Variants in ATP8B4 observed in about 807,000 individuals in gnomAD.
The protein encoded by ATP8B4 is probable phospholipid-transporting ATPase IM.
A neutral mutation model predicts 145.6 loss-of-function variants in ATP8B4; 133 were observed. The ratio of observed to expected loss-of-function variants is 0.91; its 90% confidence interval spans 0.79 to 1.05. The LOEUF (loss-of-function observed/expected upper bound fraction) is 1.05, where lower values mean the gene tolerates loss of function less well. Ranked by LOEUF, ATP8B4 falls within the 50% of genes least tolerant of loss-of-function variation. The probability of loss-of-function intolerance (pLI) is 0.00; values close to 1 mark genes in which losing one functional copy is unlikely to be tolerated. For missense variants in ATP8B4, 1,458 were observed against 1,425.2 expected (o/e 1.02, Z -0.37); for synonymous variants, 507 against 492.9 (o/e 1.03, Z -0.38).
At chr15:50,018,395 C>T (rs960553039) in intron 6 of ATP8B4, among the ~76,000 whole-genome samples, 1 of 152,176 alleles carries the variant, frequency 6.6e-6, no homozygotes, top group African/African-American at 2.4e-5. Flanking sequence ...AATCTAGACA[C>T]CATGCTGAGT....
At chr15:50,108,837 C>G (rs993656281) in intron 1 of ATP8B4, among the ~76,000 whole-genome samples, 3 of 152,144 alleles carry the variant, frequency 2.0e-5, no homozygotes, top group Non-Finnish European at 4.4e-5. Context: ...TCCACAAACT[C>G]TTTTAGGACA....
At chr15:49,861,473 TCTACCTACCTACCTAC>T (rs71124313) in intron 27 of ATP8B4, among the ~76,000 whole-genome samples, 1 of 135,594 alleles carries the variant, frequency 7.4e-6, no homozygotes, top group East Asian at 2.1e-4. Context: ...TATCTATCTA[TCTACCTACCTACCTAC>T]CTACCTACCT....
intron 1 of ATP8B4, among the ~76,000 whole-genome samples, chr15:50,176,875 G>C (rs1447156799): frequency 6.6e-6 from 1 of 152,180 alleles, no homozygotes; most frequent in South Asian, 2.1e-4. Context: ...GCTCTGTCAT[G>C]TCTAATATCA....
intron 3 of ATP8B4, among the ~76,000 whole-genome samples, chr15:50,048,591 C>T (rs1181402155): frequency 6.6e-6 from 1 of 151,912 alleles, no homozygotes; most frequent in East Asian, 1.9e-4. Flanking sequence ...GCCTGTAATC[C>T]CAGCTACTGA....
chr15:49,931,187 GT>G lies in ATP8B4; in HGVS notation c.1573del (p.Thr525HisfsTer2). ...GGCAAGTAATTGATAAGTAACTAGT[GT>G]TCCCAATTCTTCTATTGTTATGGTC... ...PETITIEELG[T>X]LVTYQLLAFL... On this transcript the variant is annotated frameshift_variant, in exon 16 of 28. Transcript: ENST00000284509. LOFTEE classifies it high-confidence loss of function. The G allele has an allele frequency of 6.2e-7, 1 of 1,612,446 alleles. No individual in the cohort carries two copies. Among genetic ancestry groups the G allele is most frequent in the Middle Eastern group, 1.7e-4 (1 of 6,044 alleles).
chr15:50,058,043 G>A (rs1281378432), intron 3 of ATP8B4, among the ~76,000 whole-genome samples: 2 of 152,184 alleles, frequency 1.3e-5, no homozygotes, highest in African/African-American at 4.8e-5. Context: ...GCCTTCTCCA[G>A]AGAGATAAGA....
At chr15:49,938,758 CT>C (rs1240811709) in intron 14 of ATP8B4, among the ~76,000 whole-genome samples, 2 of 152,054 alleles carry the variant, frequency 1.3e-5, no homozygotes, top group African/African-American at 4.8e-5. Flanking sequence ...CCAATTGGAC[CT>C]AATAGACATC....
At chr15:49,898,006 C>T (rs1308392404) in intron 22 of ATP8B4, 62 bp downstream of exon 22, 1 of 1,563,084 alleles carries the variant, frequency 6.4e-7, no homozygotes, top group Admixed American at 1.7e-5. Context: ...TATATATTGC[C>T]AAATGCTGAA....
chr15:49,965,671 A>C (rs1304842283), intron 13 of ATP8B4, among the ~76,000 whole-genome samples: 1 of 152,200 alleles, frequency 6.6e-6, no homozygotes, highest in East Asian at 1.9e-4. Context: ...GTAGATTCCC[A>C]AAACCATGTG....
At chr15:50,160,038 T>TTTTTTTTG (rs2044492829) in intron 1 of ATP8B4, among the ~76,000 whole-genome samples, 6 of 143,558 alleles carry the variant, frequency 4.2e-5, no homozygotes, top group Non-Finnish European at 7.6e-5. Context: ...TTTTTTTTTT[T>TTTTTTTTG]GCTGGGAGAC....
chr15:50,044,732 T>C, intron 4 of ATP8B4, 40 bp from the exon 5 acceptor site: 3 of 1,388,320 alleles, frequency 2.2e-6, no homozygotes, highest in Non-Finnish European at 3.1e-6. Flanking sequence ...CTTTTAAAGT[T>C]AGAAAATATA....
intron 1 of ATP8B4, among the ~76,000 whole-genome samples, chr15:50,143,768 C>G (rs574755180): frequency 6.6e-6 from 1 of 152,112 alleles, no homozygotes; most frequent in African/African-American, 2.4e-5. Context: ...GCATTCCTGA[C>G]AGATGGAACA....
At chr15:49,907,520 G>A (rs573134306) in intron 20 of ATP8B4, among the ~76,000 whole-genome samples, 3 of 152,276 alleles carry the variant, frequency 2.0e-5, no homozygotes, top group South Asian at 4.1e-4. Flanking sequence ...GGAAAGATTG[G>A]GATCAGTGGC....
intron 2 of ATP8B4, among the ~76,000 whole-genome samples, chr15:50,105,762 C>T (rs538111084): frequency 1.5e-4 from 23 of 152,212 alleles, no homozygotes; most frequent in African/African-American, 5.3e-4. Flanking sequence ...TTAATATATA[C>T]ATATACATAT....
At chr15:50,163,554 C>T (rs1254852085) in intron 1 of ATP8B4, among the ~76,000 whole-genome samples, 1 of 152,220 alleles carries the variant, frequency 6.6e-6, no homozygotes. Flanking sequence ...GTGGCCACCA[C>T]CACAGAGACT....
chr15:50,018,880 G>T, intron 6 of ATP8B4: 1 of 1,178,942 alleles, frequency 8.5e-7, no homozygotes, highest in South Asian at 1.3e-5. Flanking sequence ...CGACCATTAT[G>T]TCACTTACAT....
chr15:49,924,871 G>A (rs966667912), intron 16 of ATP8B4, among the ~76,000 whole-genome samples: 1 of 152,140 alleles, frequency 6.6e-6, no homozygotes, highest in Admixed American at 6.5e-5. Context: ...ACCAGGGGGG[G>A]AAACTTAATC....
intron 12 of ATP8B4, among the ~76,000 whole-genome samples, chr15:49,977,940 G>T (rs1567126064): frequency 1.3e-5 from 2 of 152,082 alleles, no homozygotes; most frequent in Non-Finnish European, 2.9e-5. Context: ...AGGTCACACA[G>T]CTATTAGTGG....
chr15:49,907,800 C>T (rs2038784893), intron 20 of ATP8B4, among the ~76,000 whole-genome samples: 3 of 152,208 alleles, frequency 2.0e-5, no homozygotes, highest in African/African-American at 7.2e-5. Context: ...ACTCTTTCTC[C>T]TACATCTGCT....
Sources: gnomAD v4.1 joint callset for allele counts (sites outside exome capture counted in the v4.1 genomes callset) on GRCh38, gnomAD v4.1.1 for gene constraint, MANE v1.5 for transcripts, NCBI Gene and HGNC (gene_info 2026-07-23, HGNC 2026-07-21) for gene names.